Variants in STRN observed in about 807,000 individuals in gnomAD.
The protein encoded by STRN is striatin.
STRN carries 53 observed loss-of-function variants against 96.3 expected under a neutral mutation model. That is an observed-to-expected ratio of 0.55 (90% confidence interval 0.44 to 0.69). The LOEUF (loss-of-function observed/expected upper bound fraction) is 0.69, where lower values mean the gene tolerates loss of function less well. Among genes scored for constraint, STRN ranks in the 30% least tolerant of loss-of-function variants. The pLI, the probability that STRN is intolerant of heterozygous loss-of-function variation, is 0.00. For synonymous variants in STRN, 428 were observed against 355.9 expected, an observed-to-expected ratio of 1.20 and a Z score of -2.28; for missense variants, 987 against 963.9, an observed-to-expected ratio of 1.02 and a Z score of -0.32.
intron 1 of STRN, among the ~76,000 whole-genome samples, chr2:36,947,024 T>C (rs771804069): frequency 1.6e-4 from 25 of 152,036 alleles, no homozygotes; most frequent in Non-Finnish European, 2.9e-4. Flanking sequence ...GCCTCCTGAG[T>C]AGCAGGGACT....
intron 7 of STRN, among the ~76,000 whole-genome samples, chr2:36,888,013 T>A (rs1281287449): frequency 6.6e-6 from 1 of 152,048 alleles, no homozygotes; most frequent in Admixed American, 6.6e-5. Flanking sequence ...ACACCCAACC[T>A]CTCTCCCCAT....
intron 1 of STRN, among the ~76,000 whole-genome samples, chr2:36,942,253 T>C (rs1202821591): frequency 6.6e-6 from 1 of 152,152 alleles, no homozygotes; most frequent in Non-Finnish European, 1.5e-5. Flanking sequence ...AAAAGGACAA[T>C]GGCAATCAAG....
intron 2 of STRN, among the ~76,000 whole-genome samples, chr2:36,916,422 A>G (rs1407952277): frequency 1.3e-5 from 2 of 152,148 alleles, no homozygotes; most frequent in Admixed American, 6.5e-5. Flanking sequence ...AATGAACGAT[A>G]TAACATCCTG....
At chr2:36,852,689 T>A (rs977319491) in intron 15 of STRN, among the ~76,000 whole-genome samples, 5 of 152,186 alleles carry the variant, frequency 3.3e-5, no homozygotes, top group African/African-American at 1.2e-4. Flanking sequence ...TTTAAAAAAT[T>A]TTTTGAACCC....
At position 36,876,751 on chromosome 2, in the gene STRN, A is replaced by AT. The variant is rs70946956; in HGVS notation, c.1323+1139dup. Among the ~76,000 whole-genome samples the AT allele has an allele frequency of 6.7e-3, 966 of 143,592 alleles. 15 individuals are homozygous for AT. Among genetic ancestry groups the AT allele is most frequent in the African/African-American group, 0.023 (911 of 39,410 alleles). The allele number at this position is 143,592 out of a possible 152,430, so 94.2% of individuals were successfully genotyped here. A position where few individuals can be genotyped will look rare whatever the true frequency, so the allele number is the denominator to read the frequency against. ...TTTATTGTGATGAGCAATTATAAAC[A>AT]TTTTTTTTTTTTTTGAGGCGGAGTC... On this transcript the variant is annotated intron_variant, in intron 10 of 17. Transcript: ENST00000263918.
At chr2:36,938,417 T>G (rs1670760282) in intron 1 of STRN, among the ~76,000 whole-genome samples, 1 of 150,918 alleles carries the variant, frequency 6.6e-6, no homozygotes, top group Non-Finnish European at 1.5e-5. Flanking sequence ...TAGAGCAAGA[T>G]TCTGTCTCAA....
intron 1 of STRN, among the ~76,000 whole-genome samples, chr2:36,963,333 C>T (rs950928940): frequency 2.6e-5 from 4 of 152,044 alleles, no homozygotes; most frequent in Non-Finnish European, 5.9e-5. Context: ...TTTGTGTTGA[C>T]TCTGGTGTTA....
chr2:36,934,897 G>A (rs1276084674), intron 1 of STRN, among the ~76,000 whole-genome samples: 1 of 152,172 alleles, frequency 6.6e-6, no homozygotes, highest in East Asian at 1.9e-4. Context: ...GGGCAAGATG[G>A]TGAAACCCCG....
intron 1 of STRN, among the ~76,000 whole-genome samples, chr2:36,962,305 T>A (rs963915279): frequency 2.0e-5 from 3 of 152,196 alleles, no homozygotes; most frequent in African/African-American, 4.8e-5. Flanking sequence ...GCCACCTTTT[T>A]CATACAACTC....
rs1668038512 is a variant in STRN at position 36,845,290 on chromosome 2, G to A, written c.*4166C>T. 1 of 152,072 alleles carries A rather than the reference G, an allele frequency of 6.6e-6. No homozygotes were observed. Among genetic ancestry groups the A allele is most frequent in the South Asian group, 2.1e-4 (1 of 4,828 alleles). 9.4% of individuals were successfully genotyped at this position (152,072 alleles called of 1,614,324 possible). ...AACAAAATTAATTCTAAGCCTTTCA[G>A]TCTGATTTGTGACATCTTAATACAA... is the stretch of plus-strand genomic sequence containing the variant. On this transcript the variant is annotated 3_prime_UTR_variant, in exon 18 of 18. Coordinates refer to ENST00000263918, the MANE Select transcript of STRN (RefSeq NM_003162.4).
chr2:36,893,377 C>T (rs556272957), intron 7 of STRN, among the ~76,000 whole-genome samples: 15 of 151,256 alleles, frequency 9.9e-5, no homozygotes, highest in Middle Eastern at 3.4e-3. Flanking sequence ...TTTTATGAGA[C>T]GGATTTTCCC....
At chr2:36,897,044 G>A (rs892878879) in intron 6 of STRN, among the ~76,000 whole-genome samples, 1 of 152,040 alleles carries the variant, frequency 6.6e-6, no homozygotes, top group African/African-American at 2.4e-5. Flanking sequence ...GTGCATGCTT[G>A]TAATCCCAGC....
At chr2:36,922,542 T>G (rs1670289138) in intron 2 of STRN, among the ~76,000 whole-genome samples, 1 of 139,016 alleles carries the variant, frequency 7.2e-6, no homozygotes, top group African/African-American at 2.7e-5. Flanking sequence ...AAAAAAAAAA[T>G]TAAACCTCCC....
At chr2:36,860,999 T>A (rs1668465701) in intron 13 of STRN, 133 bp downstream of exon 13, 1 of 1,109,388 alleles carries the variant, frequency 9.0e-7, no homozygotes, top group East Asian at 2.7e-5. Context: ...AAGTCCTTTT[T>A]AACAAAATAA....
chr2:36,926,956 G>A (rs1670426048), intron 1 of STRN, among the ~76,000 whole-genome samples: 1 of 152,126 alleles, frequency 6.6e-6, no homozygotes, highest in African/African-American at 2.4e-5. Flanking sequence ...GTTTGTCTAT[G>A]CCAAACGTGC....
intron 8 of STRN, among the ~76,000 whole-genome samples, chr2:36,886,148 A>G (rs1189434262): frequency 6.6e-6 from 1 of 152,204 alleles, no homozygotes; most frequent in Non-Finnish European, 1.5e-5. Flanking sequence ...TAATAATGTT[A>G]TAAGTAAAAT....
intron 7 of STRN, among the ~76,000 whole-genome samples, chr2:36,889,206 C>A (rs902658621): frequency 6.6e-6 from 1 of 152,034 alleles, no homozygotes; most frequent in African/African-American, 2.4e-5. Flanking sequence ...ATGAATGATC[C>A]GAGTAAACCA....
Position 36,852,969 on chromosome 2 carries a change from C to T in STRN, c.1979-1862G>A, listed in dbSNP as rs1196177886. Among the ~76,000 whole-genome samples the T allele has an allele frequency of 4.6e-5, 7 of 152,270 alleles. 1 individual carries two copies. The South Asian group carries it at 1.4e-3, about 32-fold the overall frequency. On this transcript the variant is annotated intron_variant, in intron 15 of 17. Coordinates refer to ENST00000263918, the MANE Select transcript of STRN (RefSeq NM_003162.4). Reference sequence around the variant, plus strand: ...GTCAGGAGTTCGAGACCAGCCTGGCCAACATGGTGAAACTCTGTCTCTACG... The same window carrying T: ...GTCAGGAGTTCGAGACCAGCCTGGCTAACATGGTGAAACTCTGTCTCTACG...
chr2:36,900,583 C>A (rs1360148948), intron 5 of STRN, among the ~76,000 whole-genome samples: 3 of 152,060 alleles, frequency 2.0e-5, no homozygotes, highest in African/African-American at 7.2e-5. Context: ...GAATTTAGTT[C>A]CCTCAAAATA....
Sources: gnomAD v4.1 joint callset for allele counts (sites outside exome capture counted in the v4.1 genomes callset) on GRCh38, gnomAD v4.1.1 for gene constraint, MANE v1.5 for transcripts, NCBI Gene and HGNC (gene_info 2026-07-23, HGNC 2026-07-21) for gene names.